Variants in SNTG1 observed in about 807,000 individuals in gnomAD.
SNTG1 encodes gamma-1-syntrophin.
In SNTG1, 39 loss-of-function variants were observed where a neutral mutation model predicts 74.7. The observed-to-expected ratio is 0.52, with a 90% CI of 0.40 to 0.68. The LOEUF is 0.68. Ranked by LOEUF, SNTG1 falls within the 30% of genes least tolerant of loss-of-function variation. The probability of loss-of-function intolerance (pLI) is 0.00; values close to 1 mark genes in which losing one functional copy is unlikely to be tolerated. For missense variants in SNTG1, 685 were observed against 609.5 expected (o/e 1.12, Z -1.30); for synonymous variants, 254 against 217.1 (o/e 1.17, Z -1.49).
rs1199355299 is a variant in SNTG1 at position 50,795,537 on chromosome 8, G to C, written c.*2708G>C. The C allele has an allele frequency of 2.6e-5, 4 of 151,812 alleles. No homozygotes were observed. In the East Asian group the frequency reaches 7.7e-4, roughly 29 times the overall value. 9.4% of individuals were successfully genotyped at this position (151,812 alleles called of 1,614,324 possible). A position where few individuals can be genotyped will look rare whatever the true frequency, so the allele number is the denominator to read the frequency against. ...ATGTGTTAACCCCTCCAGTGCCTTGGTATGTGTGAGCGTGTATGTGTGTTT... is the reference window on the plus strand; with the variant it reads ...ATGTGTTAACCCCTCCAGTGCCTTGCTATGTGTGAGCGTGTATGTGTGTTT... On this transcript the variant is annotated 3_prime_UTR_variant, in exon 19 of 19. Transcript: ENST00000642720.
At chr8:50,423,007 G>T (rs1479756380) in intron 4 of SNTG1, among the ~76,000 whole-genome samples, 2 of 152,130 alleles carry the variant, frequency 1.3e-5, no homozygotes, top group African/African-American at 4.8e-5. Flanking sequence ...GGTGGGTTTG[G>T]GGGGGTTAGC....
chr8:50,488,186 A>G (rs1268241650), intron 8 of SNTG1, among the ~76,000 whole-genome samples: 1 of 152,142 alleles, frequency 6.6e-6, no homozygotes, highest in Non-Finnish European at 1.5e-5. Context: ...TTGATAGATG[A>G]TGATCATCCT....
chr8:50,009,542 G>C (rs1815568975), intron 1 of SNTG1, among the ~76,000 whole-genome samples: 1 of 152,082 alleles, frequency 6.6e-6, no homozygotes, highest in Non-Finnish European at 1.5e-5. Flanking sequence ...ACATTCTAGG[G>C]TCTGAGAACA....
In SNTG1 at chr8:50,301,669, A is replaced by G. The variant is rs189838452; in HGVS notation, c.-27-92543A>G. Among the ~76,000 whole-genome samples, 13 of 151,992 alleles carry G rather than the reference A, an allele frequency of 8.6e-5. No individual in the cohort carries two copies. In the East Asian group the frequency reaches 2.3e-3, roughly 27 times the overall value. ...TTTTATATACTGTTTTATATAATAT[A>G]TTGTTGCAATTTTAGATTCTCACAT... is the stretch of plus-strand genomic sequence containing the variant. On this transcript the variant is annotated intron_variant, in intron 2 of 18. Transcript: ENST00000642720.
chr8:50,015,741 G>T (rs961600650), intron 1 of SNTG1, among the ~76,000 whole-genome samples: 1 of 152,108 alleles, frequency 6.6e-6, no homozygotes, highest in Non-Finnish European at 1.5e-5. Context: ...TCAACACATT[G>T]TTGCCAATGA....
intron 18 of SNTG1, among the ~76,000 whole-genome samples, chr8:50,780,318 G>T (rs1444898851): frequency 6.6e-6 from 1 of 152,144 alleles, no homozygotes; most frequent in Non-Finnish European, 1.5e-5. Context: ...ATTCGGCTGT[G>T]AATCCCTCTG....
In SNTG1 at chr8:50,531,646, C is replaced by T. The variant is rs191104252; in HGVS notation, c.549+1387C>T. Among the ~76,000 whole-genome samples, 232 of 152,274 alleles carry T rather than the reference C, an allele frequency of 1.5e-3. 2 individuals are homozygous for T. Among genetic ancestry groups the T allele is most frequent in the Middle Eastern group, 0.01 (3 of 294 alleles). On this transcript the variant is annotated intron_variant, in intron 10 of 18. Coordinates refer to ENST00000642720, the MANE Select transcript of SNTG1 (RefSeq NM_018967.5). ...ATCCCTCTTGTCTGGATCCCCTTTG[C>T]CTGGGAGTCAGAGCTCACAGGGGTG... is the stretch of plus-strand genomic sequence containing the variant.
chr8:50,058,178 C>T (rs1820184928), intron 1 of SNTG1, among the ~76,000 whole-genome samples: 1 of 152,024 alleles, frequency 6.6e-6, no homozygotes, highest in African/African-American at 2.4e-5. Flanking sequence ...GGGGGGTTAC[C>T]ACCAGAGGCA....
At chr8:50,540,508 A>C (rs1307195436) in intron 11 of SNTG1, among the ~76,000 whole-genome samples, 1 of 152,138 alleles carries the variant, frequency 6.6e-6, no homozygotes, top group Admixed American at 6.6e-5. Flanking sequence ...CAATTAGGTC[A>C]TATGTGTTCG....
rs907691872 is a variant in SNTG1 at position 50,579,859 on chromosome 8, G to A, written c.811-11020G>A. Among the ~76,000 whole-genome samples, 14 of 152,318 alleles carry A rather than the reference G, an allele frequency of 9.2e-5. No homozygotes were observed. The East Asian group carries it at 2.3e-3, about 25-fold the overall frequency. On this transcript the variant is annotated intron_variant, in intron 12 of 18. Transcript: ENST00000642720. ...TTTGCTGCAGCAGTGGAGCCCTCAT[G>A]GAGAATCTCTGCTAGGGCAGTGAAG... is the stretch of plus-strand genomic sequence containing the variant.
upstream of SNTG1, among the ~76,000 whole-genome samples, chr8:49,910,126 C>G (rs898544764): frequency 2.0e-5 from 3 of 152,212 alleles, no homozygotes; most frequent in African/African-American, 7.2e-5. Context: ...GCGCTCTAAT[C>G]CTTGATGGAA....
chr8:49,957,712 G>A (rs1810302124), intron 1 of SNTG1, among the ~76,000 whole-genome samples: 1 of 152,128 alleles, frequency 6.6e-6, no homozygotes, highest in African/African-American at 2.4e-5. Context: ...CCCTTTGGTT[G>A]GGTTTTGGAG....
intron 13 of SNTG1, among the ~76,000 whole-genome samples, chr8:50,594,362 T>G (rs1019095817): frequency 2.6e-5 from 4 of 152,178 alleles, no homozygotes; most frequent in African/African-American, 9.6e-5. Flanking sequence ...CTTCTATAAT[T>G]ACCTGGGAGT....
chr8:50,596,855 A>G (rs1428034530), intron 13 of SNTG1, among the ~76,000 whole-genome samples: 2 of 152,078 alleles, frequency 1.3e-5, no homozygotes, highest in Non-Finnish European at 2.9e-5. Flanking sequence ...TACACTGTAT[A>G]ATGAGTCAAT....
intron 2 of SNTG1, among the ~76,000 whole-genome samples, chr8:50,328,215 G>A (rs2090829133): frequency 1.3e-5 from 2 of 152,024 alleles, no homozygotes; most frequent in Admixed American, 1.3e-4. Flanking sequence ...TGCAAGACAG[G>A]GCTATTGGCA....
At chr8:50,665,887 T>C (rs555699699) in intron 15 of SNTG1, among the ~76,000 whole-genome samples, 1 of 152,154 alleles carries the variant, frequency 6.6e-6, no homozygotes, top group Non-Finnish European at 1.5e-5. Flanking sequence ...TCCTCAGAAA[T>C]AACTTACTGT....
At chr8:50,706,259 A>G (rs537589339) in intron 16 of SNTG1, among the ~76,000 whole-genome samples, 15 of 152,300 alleles carry the variant, frequency 9.8e-5, no homozygotes, top group Non-Finnish European at 1.5e-5. Flanking sequence ...CCTCAATTCA[A>G]AAAAATAGAT....
chr8:50,331,840 T>C (rs556576884), intron 2 of SNTG1, among the ~76,000 whole-genome samples: 30 of 152,328 alleles, frequency 2.0e-4, no homozygotes, highest in African/African-American at 7.0e-4. Context: ...AACAACTGGG[T>C]AGCTGAAGAT....
At chr8:50,739,280 G>C (rs1417944370) in intron 17 of SNTG1, among the ~76,000 whole-genome samples, 1 of 152,008 alleles carries the variant, frequency 6.6e-6, no homozygotes, top group Non-Finnish European at 1.5e-5. Flanking sequence ...CTCAAAAAAA[G>C]ACATTTATAT....
Sources: allele counts gnomAD v4.1 joint callset (sites outside exome capture counted in the v4.1 genomes callset), GRCh38; gene constraint gnomAD v4.1.1; transcripts MANE v1.5; gene names NCBI Gene and HGNC (gene_info 2026-07-23, HGNC 2026-07-21).